Variants in LRMDA observed in about 807,000 individuals in gnomAD.
LRMDA encodes the protein leucine-rich melanocyte differentiation-associated protein.
A neutral mutation model predicts 29.8 loss-of-function variants in LRMDA; 18 were observed. The ratio of observed to expected loss-of-function variants is 0.60; its 90% CI spans 0.42 to 0.90. The LOEUF (loss-of-function observed/expected upper bound fraction) is 0.90. LRMDA is among the 40% of genes least tolerant of loss of function. LRMDA has a pLI of 0.00. For synonymous variants in LRMDA, 125 were observed against 109.4 expected, an observed-to-expected ratio of 1.14 and a Z score of -0.89; for missense variants, 273 against 273.9, an observed-to-expected ratio of 1.00 and a Z score of 0.02.
chr10:76,146,211 T>C (rs1366853351), intron 5 of LRMDA, among the ~76,000 whole-genome samples: 1 of 152,182 alleles, frequency 6.6e-6, no homozygotes, highest in Non-Finnish European at 1.5e-5. Flanking sequence ...TTAGGTCCAC[T>C]TGGTGCAGAG....
At chr10:75,439,312 C>T (rs945879677) in intron 2 of LRMDA, among the ~76,000 whole-genome samples, 1 of 152,124 alleles carries the variant, frequency 6.6e-6, no homozygotes, top group East Asian at 1.9e-4. Context: ...CCATGCCCTC[C>T]TTGAGAGCTG....
intron 2 of LRMDA, among the ~76,000 whole-genome samples, chr10:75,995,994 T>A (rs567728729): frequency 6.6e-6 from 1 of 152,316 alleles, no homozygotes; most frequent in Admixed American, 6.5e-5. Flanking sequence ...GAATGTGCTT[T>A]GCCTGGGAAA....
intron 2 of LRMDA, among the ~76,000 whole-genome samples, chr10:75,845,635 T>G (rs1449580643): frequency 8.5e-5 from 13 of 152,202 alleles, no homozygotes; most frequent in Admixed American, 8.5e-4. Context: ...GTGACCATTT[T>G]AGCCAGGACT....
chr10:75,571,514 C>T (rs1244686990), intron 2 of LRMDA, among the ~76,000 whole-genome samples: 3 of 152,166 alleles, frequency 2.0e-5, no homozygotes, highest in South Asian at 2.1e-4. Context: ...CTACCTTATA[C>T]TCAACTCTGG....
intron 5 of LRMDA, among the ~76,000 whole-genome samples, chr10:76,161,373 A>G (rs1248731885): frequency 6.6e-6 from 1 of 152,160 alleles, no homozygotes; most frequent in African/African-American, 2.4e-5. Context: ...ATTCATCCTG[A>G]CCAGAATGTA....
rs148954571 is a variant in LRMDA at position 75,909,992 on chromosome 10, A to G, written c.132-126016A>G. Among the ~76,000 whole-genome samples, 11 of 152,152 alleles carry G rather than the reference A, an allele frequency of 7.2e-5. No individual in the cohort carries two copies. In the East Asian group the frequency reaches 2.1e-3, roughly 29 times the overall value. On this transcript the variant is annotated intron_variant, in intron 2 of 6. Transcript: ENST00000611255. ...TGATTTCCTTTTGCTTCTATGCACC[A>G]CTCAAGTTCTTCTTATGGTTTTCTG...
At chr10:76,287,136 T>G (rs1840281816) in intron 5 of LRMDA, among the ~76,000 whole-genome samples, 1 of 152,204 alleles carries the variant, frequency 6.6e-6, no homozygotes, top group Non-Finnish European at 1.5e-5. Flanking sequence ...CTAAGGGATT[T>G]CTTTTATCTG....
chr10:75,434,950 G>C (rs1292519532), intron 1 of LRMDA, among the ~76,000 whole-genome samples: 5 of 152,198 alleles, frequency 3.3e-5, no homozygotes, highest in Non-Finnish European at 7.3e-5. Context: ...TGGAGGGATT[G>C]GGTGTGTACA....
chr10:76,335,524 G>A, intron 6 of LRMDA, among the ~76,000 whole-genome samples: 1 of 152,184 alleles, frequency 6.6e-6, no homozygotes, highest in East Asian at 1.9e-4. Flanking sequence ...CTGTGACACA[G>A]CCTCAGGAGG....
At chr10:75,627,573 G>C (rs187313154) in intron 2 of LRMDA, among the ~76,000 whole-genome samples, 1 of 152,274 alleles carries the variant, frequency 6.6e-6, no homozygotes, top group Non-Finnish European at 1.5e-5. Flanking sequence ...CTCCACAGAA[G>C]GTCAGTGAGA....
chr10:76,543,247 A>G (rs929941789), intron 6 of LRMDA, among the ~76,000 whole-genome samples: 6 of 151,778 alleles, frequency 4.0e-5, no homozygotes, highest in African/African-American at 1.5e-4. Context: ...AGCTTTTATT[A>G]TACATTAGGT....
At chr10:76,340,716 A>G (rs558487273) in intron 6 of LRMDA, among the ~76,000 whole-genome samples, 2 of 152,178 alleles carry the variant, frequency 1.3e-5, no homozygotes, top group East Asian at 1.9e-4. Context: ...GAACAAGCAG[A>G]GAAGGACTAT....
chr10:76,221,604 C>T (rs1211454503), intron 5 of LRMDA, among the ~76,000 whole-genome samples: 1 of 152,110 alleles, frequency 6.6e-6, no homozygotes, highest in African/African-American at 2.4e-5. Context: ...AACCACTGCT[C>T]AATTAAATAA....
At chr10:75,794,827 C>A (rs1030815040) in intron 2 of LRMDA, among the ~76,000 whole-genome samples, 1 of 152,046 alleles carries the variant, frequency 6.6e-6, no homozygotes, top group Non-Finnish European at 1.5e-5. Context: ...ATATCTACAT[C>A]CTATGTCTAT....
Position 76,195,201 on chromosome 10 carries a change from A to C in LRMDA, c.517-129200A>C, listed in dbSNP as rs184462972. On this transcript the variant is annotated intron_variant, in intron 5 of 6. Coordinates refer to ENST00000611255, the MANE Select transcript of LRMDA (RefSeq NM_001305581.2). ...TCATGTTGGTGAAACAAAGGCTTGC[A>C]TTCCTCCCATTCTAACTGGTTGCTT... Among the ~76,000 whole-genome samples, 78 of 152,302 alleles carry C rather than the reference A, an allele frequency of 5.1e-4. 1 individual carries two copies. The highest frequency in any genetic ancestry group is 1.8e-3 in the African/African-American group (75 of 41,574).
intron 5 of LRMDA, among the ~76,000 whole-genome samples, chr10:76,286,065 A>G (rs905013657): frequency 5.9e-5 from 9 of 152,280 alleles, no homozygotes; most frequent in African/African-American, 2.2e-4. Context: ...GGTGTACAGC[A>G]GGTCACTCTG....
chr10:76,339,040 T>A (rs1441121193), intron 6 of LRMDA, among the ~76,000 whole-genome samples: 1 of 152,054 alleles, frequency 6.6e-6, no homozygotes, highest in Non-Finnish European at 1.5e-5. Flanking sequence ...TTAGCACATC[T>A]CCTATGAAAA....
intron 2 of LRMDA, among the ~76,000 whole-genome samples, chr10:75,962,141 G>A (rs1033762289): frequency 6.6e-6 from 1 of 152,174 alleles, no homozygotes; most frequent in Non-Finnish European, 1.5e-5. Context: ...GAGGTACCAG[G>A]GGTTAGGACT....
chr10:75,461,921 AC>A lies in LRMDA; in HGVS notation c.131+23428del, dbSNP rs1398635966. Among the ~76,000 whole-genome samples, 8 of 152,306 alleles carry A rather than the reference AC, an allele frequency of 5.3e-5. 1 individual carries two copies. The highest frequency in any genetic ancestry group is 1.9e-4 in the African/African-American group (8 of 41,554). On this transcript the variant is annotated intron_variant, in intron 2 of 6. Coordinates refer to ENST00000611255, the MANE Select transcript of LRMDA (RefSeq NM_001305581.2). ...GCTAGTGAAGGAGGCAGAGCAAGCA[AC>A]TCAAACCATTTTCAGCTTTTCCTTT...
Sources: allele counts gnomAD v4.1 joint callset (sites outside exome capture counted in the v4.1 genomes callset), GRCh38; gene constraint gnomAD v4.1.1; transcripts MANE v1.5; gene names NCBI Gene and HGNC (gene_info 2026-07-23, HGNC 2026-07-21).